Variants in AP2S1 observed in about 807,000 individuals in gnomAD.
AP2S1 encodes the protein adaptor related protein complex 2 subunit sigma 1, also known as AP-2 complex subunit sigma.
AP2S1 carries 6 observed loss-of-function variants against 21.0 expected under a neutral mutation model. That is an observed-to-expected ratio of 0.29 (90% CI 0.16 to 0.56). The LOEUF is 0.56. AP2S1 is among the 20% of genes least tolerant of loss of function. The probability of loss-of-function intolerance (pLI) is 0.92; values close to 1 mark genes in which losing one functional copy is unlikely to be tolerated. For synonymous variants in AP2S1, 63 were observed against 74.6 expected (o/e 0.84, Z 0.80); for missense variants, 60 against 186.2 (o/e 0.32, Z 3.95).
At chr19:46,850,073 A>T (rs1196667908) in intron 1 of AP2S1, 3 of 1,186,640 alleles carry the variant, frequency 2.5e-6, no homozygotes, top group Non-Finnish European at 3.2e-6. Context: ...ACCCCACAAG[A>T]TCTCTCCTCT....
chr19:46,846,307 G>A (rs895083360), intron 1 of AP2S1, among the ~76,000 whole-genome samples, 165 bp from the exon 2 acceptor site: 2 of 151,972 alleles, frequency 1.3e-5, no homozygotes, highest in African/African-American at 2.4e-5. Flanking sequence ...AAGCCAGGCC[G>A]GCCTGGCCAC....
chr19:46,846,646 T>G (rs931638667), intron 1 of AP2S1, among the ~76,000 whole-genome samples: 7 of 151,816 alleles, frequency 4.6e-5, no homozygotes, highest in Non-Finnish European at 8.8e-5. Context: ...CTCACCAGGG[T>G]GGTTTTTTCA....
Position 46,850,228 on chromosome 19 carries a change from C to T in AP2S1, c.3+536G>A, listed in dbSNP as rs753107746. 3.0e-5 allele frequency: 37 copies of T among 1,232,862 alleles called. No homozygotes were observed. In the East Asian group the frequency reaches 3.5e-4, roughly 12 times the overall value. The allele number at this position is 1,232,862 out of a possible 1,614,324, so 76.4% of individuals were successfully genotyped here. A position where few individuals can be genotyped will look rare whatever the true frequency, so the allele number is the denominator to read the frequency against. ...TTTGGTTTCCTGTGCCAGGTCTCTT[C>T]TTGAGATCATCCCTCTCTCACAGGC... is the stretch of plus-strand genomic sequence containing the variant. On this transcript the variant is annotated intron_variant, in intron 1 of 4. Transcript: ENST00000263270.
chr19:46,840,367 CAAAAAAAAA>C (rs60907407), intron 2 of AP2S1, among the ~76,000 whole-genome samples: 1 of 100,468 alleles, frequency 1.0e-5, no homozygotes, highest in Non-Finnish European at 2.1e-5. Flanking sequence ...AGGTTCATTA[CAAAAAAAAA>C]AAAAAAAAAA....
intron 3 of AP2S1, 26 bp downstream of exon 3, chr19:46,839,439 C>CCCCCAAAAAACCCAA: frequency 1.3e-6 from 2 of 1,569,708 alleles, no homozygotes; most frequent in Non-Finnish European, 1.7e-6. Context: ...CCCGCCTCCC[C>CCCCCAAAAAACCCAA]ACCTTACATC....
In AP2S1 at chr19:46,838,633, G is replaced by A. The variant is rs1182141035; in HGVS notation, c.328-85C>T. The A allele has an allele frequency of 1.3e-5, 20 of 1,565,972 alleles. No homozygotes were observed. The highest frequency in any genetic ancestry group is 6.7e-5 in the Admixed American group (4 of 59,282). ...GGAAGCTGGGGCTCTGATGCCCCTC[G>A]AGCTGGGACACAGACCTCAGCAGAG... On this transcript the variant is annotated intron_variant, in intron 4 of 4. Coordinates refer to ENST00000263270, the MANE Select transcript of AP2S1 (RefSeq NM_004069.6). This position sits in a 1 kb window ranked among gnomAD's most constrained non-coding sequence, Gnocchi z 4.1.
Position 46,843,756 on chromosome 19 carries a change from T to G in AP2S1, c.153+2237A>C, listed in dbSNP as rs539334142. ...AAAAAATTTAAAAATTAGATGGGCA[T>G]GGAGGTGCATGCCTGTAGTCCCAGC... On this transcript the variant is annotated intron_variant, in intron 2 of 4. Coordinates refer to ENST00000263270, the MANE Select transcript of AP2S1 (RefSeq NM_004069.6). Among the ~76,000 whole-genome samples, 20 of 152,052 alleles carry G rather than the reference T, an allele frequency of 1.3e-4. No homozygotes were observed. In the South Asian group the frequency reaches 3.7e-3, roughly 28 times the overall value.
At chr19:46,843,857 T>C (rs1293338246) in intron 2 of AP2S1, among the ~76,000 whole-genome samples, 1 of 152,148 alleles carries the variant, frequency 6.6e-6, no homozygotes, top group African/African-American at 2.4e-5. Context: ...CACTGTACTC[T>C]AGCCTGGGAG....
At position 46,842,605 on chromosome 19, in the gene AP2S1, C is replaced by T. The variant is rs542959042; in HGVS notation, c.154-3027G>A. 5.9e-5 allele frequency among the ~76,000 whole-genome samples: 9 copies of T among 152,272 alleles called. No individual in the cohort carries two copies. The East Asian group carries it at 1.5e-3, about 26-fold the overall frequency. On this transcript the variant is annotated intron_variant, in intron 2 of 4. Transcript: ENST00000263270. ...TTTGCCCAGCCGGACTTTCCGGCTG[C>T]CCCTGTATCATTGGGCCTCACTGAC...
In AP2S1 at chr19:46,850,724, C is replaced by G. The variant is rs746967297; in HGVS notation, c.3+40G>C. 13 of 1,507,012 alleles carry G rather than the reference C, an allele frequency of 8.6e-6. No homozygotes were observed. In the Admixed American group the frequency reaches 1.0e-4, roughly 12 times the overall value. The allele number at this position is 1,507,012 out of a possible 1,614,324, so 93.4% of individuals were successfully genotyped here. A position where few individuals can be genotyped will look rare whatever the true frequency, so the allele number is the denominator to read the frequency against. On this transcript the variant is annotated intron_variant, in intron 1 of 4. Coordinates refer to ENST00000263270, the MANE Select transcript of AP2S1 (RefSeq NM_004069.6). ...CAGCCTCGGCTATTTACGCGTGGGC[C>G]CCCCCTCCGCCAGTCCCCGGCGTAG...
At chr19:46,847,736 G>A (rs531843672) in intron 1 of AP2S1, among the ~76,000 whole-genome samples, 3 of 152,252 alleles carry the variant, frequency 2.0e-5, no homozygotes, top group South Asian at 4.1e-4. Context: ...TCAGCGTGAC[G>A]TTTTCCAGGC....
intron 2 of AP2S1, among the ~76,000 whole-genome samples, chr19:46,843,751 G>A (rs2055569569): frequency 6.6e-6 from 1 of 151,852 alleles, no homozygotes; most frequent in Non-Finnish European, 1.5e-5. Flanking sequence ...AAAATTAGAT[G>A]GGCATGGAGG....
At chr19:46,840,440 A>G (rs573303775) in intron 2 of AP2S1, among the ~76,000 whole-genome samples, 1 of 151,516 alleles carries the variant, frequency 6.6e-6, no homozygotes, top group South Asian at 2.1e-4. Context: ...CAGGAGTTTC[A>G]GGCCAGCTTG....
chr19:46,844,668 C>T (rs1024092967), intron 2 of AP2S1, among the ~76,000 whole-genome samples: 1 of 151,984 alleles, frequency 6.6e-6, no homozygotes, highest in African/African-American at 2.4e-5. Flanking sequence ...CTTGGTAGTG[C>T]ACAAGCCTGT....
intron 3 of AP2S1, among the ~76,000 whole-genome samples, chr19:46,839,216 G>T (rs1274860570): frequency 6.8e-6 from 1 of 146,036 alleles, no homozygotes; most frequent in Non-Finnish European, 1.5e-5. Flanking sequence ...GAACCTGGGA[G>T]GTGGAGGCTG....
intron 3 of AP2S1, among the ~76,000 whole-genome samples, 164 bp downstream of exon 3, chr19:46,839,301 A>G (rs1214593829): frequency 7.9e-5 from 8 of 101,818 alleles, no homozygotes; most frequent in Non-Finnish European, 1.6e-4. Flanking sequence ...AAAAAAAAAA[A>G]AAAAAAAAAA....
At chr19:46,844,240 T>C (rs1042078730) in intron 2 of AP2S1, among the ~76,000 whole-genome samples, 2 of 151,998 alleles carry the variant, frequency 1.3e-5, no homozygotes, top group East Asian at 1.9e-4. Flanking sequence ...ATCTGACTCA[T>C]AGTAAGAGCC....
At chr19:46,839,627 T>C (rs1347804129) in intron 2 of AP2S1, 49 bp from the exon 3 acceptor site, 2 of 1,613,356 alleles carry the variant, frequency 1.2e-6, no homozygotes, top group South Asian at 2.2e-5. Context: ...GGACCTAACG[T>C]GCCAGACAGA....
rs112167698 is a variant in AP2S1 at position 46,839,103 on chromosome 19, A to G, written c.268-304T>C. 3.3e-5 allele frequency among the ~76,000 whole-genome samples: 5 copies of G among 152,056 alleles called. 1 individual carries two copies. The highest frequency in any genetic ancestry group is 9.6e-5 in the African/African-American group (4 of 41,486). On this transcript the variant is annotated intron_variant, in intron 3 of 4. Coordinates refer to ENST00000263270, the MANE Select transcript of AP2S1 (RefSeq NM_004069.6). The stretch of plus-strand genomic sequence containing the variant: ...GGAGTGCAAGACCAGCCTGGCCAAC[A>G]TGGTGAAACCCCATCTCTACTAAAA...
Sources: gnomAD v4.1 joint callset for allele counts (sites outside exome capture counted in the v4.1 genomes callset) on GRCh38, gnomAD v4.1.1 for gene constraint, Gnocchi (gnomAD v3.1) non-coding constraint, MANE v1.5 for transcripts, NCBI Gene and HGNC (gene_info 2026-07-23, HGNC 2026-07-21) for gene names.